PDCD11: variants seen among roughly 807,000 people sequenced by gnomAD.
The protein encoded by PDCD11 is programmed cell death 11.
A neutral mutation model predicts 198.9 loss-of-function variants in PDCD11; 97 were observed. The ratio of observed to expected loss-of-function variants is 0.49; its 90% CI spans 0.41 to 0.58. The LOEUF (loss-of-function observed/expected upper bound fraction) is 0.58, where lower values mean the gene tolerates loss of function less well. Ranked by LOEUF, PDCD11 falls within the 20% of genes least tolerant of loss-of-function variation. The pLI is 0.00. For missense variants in PDCD11, 2,102 were observed against 2,312.7 expected (o/e 0.91, Z 1.87); for synonymous variants, 893 against 918.0 (o/e 0.97, Z 0.49).
At chr10:103,411,008 G>C (rs906793815) in intron 8 of PDCD11, among the ~76,000 whole-genome samples, 1 of 151,626 alleles carries the variant, frequency 6.6e-6, no homozygotes, top group Admixed American at 6.6e-5. Context: ...CCAGGAGGCA[G>C]AGGTTGCAGT....
intron 21 of PDCD11, among the ~76,000 whole-genome samples, chr10:103,428,210 C>T (rs1197776363): frequency 6.6e-6 from 1 of 151,502 alleles, no homozygotes; most frequent in Non-Finnish European, 1.5e-5. Context: ...AAGGCTGAGG[C>T]AGGAGAATTG....
At chr10:103,444,148 C>A in intron 34 of PDCD11, 80 bp downstream of exon 34, 1 of 1,290,948 alleles carries the variant, frequency 7.7e-7, no homozygotes, top group Non-Finnish European at 1.1e-6. Context: ...ATTGCTTCTT[C>A]TAAGTCAGGA....
chr10:103,423,672 T>A lies in PDCD11; in HGVS notation c.2763+14T>A. On this transcript the variant is annotated intron_variant, in intron 19 of 35. Coordinates refer to ENST00000369797, the MANE Select transcript of PDCD11 (RefSeq NM_014976.2). ...AAAGCTAGAAAGGTAAGCTTGCTCC[T>A]GACTTCCATTTCCATGGTTTCACAT... 1 of 1,526,958 alleles carries A rather than the reference T, an allele frequency of 6.5e-7. No homozygotes were observed. Among genetic ancestry groups the A allele is most frequent in the Non-Finnish European group, 9.1e-7 (1 of 1,100,482 alleles). The allele number at this position is 1,526,958 out of a possible 1,614,324, so 94.6% of individuals were successfully genotyped here.
chr10:103,444,158 A>G, intron 34 of PDCD11, 90 bp downstream of exon 34: 1 of 1,178,584 alleles, frequency 8.5e-7, no homozygotes, highest in Non-Finnish European at 1.2e-6. Context: ...CTAAGTCAGG[A>G]GAGCCTTGTG....
chr10:103,403,145 G>C lies in PDCD11; in HGVS notation c.262G>C (p.Gly88Arg). The change falls in exon 4 of 36, where the codon GGT becomes CGT. Residue 88 changes from glycine (G) to arginine (R), a missense_variant. Physicochemically the swap from Gly to Arg is moderately radical, Grantham distance 125 (BLOSUM62 -2). Transcript: ENST00000369797. ...ESLCEGMRIL[G>R]CVKEVNELEL... ...CCTGTGTGAGGGAATGCGTATTTTG[G>C]GTTGCGTGAAAGAGGTGAATGAACT... 6.2e-7 allele frequency: 1 copy of C among 1,614,134 alleles called. No homozygotes were observed. Among genetic ancestry groups the C allele is most frequent in the Non-Finnish European group, 8.5e-7 (1 of 1,180,018 alleles).
intron 21 of PDCD11, among the ~76,000 whole-genome samples, chr10:103,431,410 G>T (rs2031928104): frequency 6.6e-6 from 1 of 151,946 alleles, no homozygotes; most frequent in East Asian, 1.9e-4. Flanking sequence ...GGCCAACATG[G>T]TGAAACCTTG....
At chr10:103,399,029 AAAAT>A (rs931191187) in intron 2 of PDCD11, among the ~76,000 whole-genome samples, 1 of 152,028 alleles carries the variant, frequency 6.6e-6, no homozygotes, top group South Asian at 2.1e-4. Flanking sequence ...ACACACAAAC[AAAAT>A]AAATAAAGTG....
rs952497260 is a variant in PDCD11, at chr10:103,398,644, C to A, written c.102+116C>A. On this transcript the variant is annotated intron_variant, in intron 2 of 35. Coordinates refer to ENST00000369797, the MANE Select transcript of PDCD11 (RefSeq NM_014976.2). ...TTCCAGATTTTTTTTGCATTGAAGT[C>A]TACTTCTATAAATTTAACTCATTTA... 1.0e-5 allele frequency: 7 copies of A among 696,896 alleles called. No homozygotes were observed. In the East Asian group the frequency reaches 1.9e-4, roughly 19 times the overall value. The allele number at this position is 696,896 out of a possible 1,614,324, so 43.2% of individuals were successfully genotyped here. A position where few individuals can be genotyped will look rare whatever the true frequency, so the allele number is the denominator to read the frequency against.
At chr10:103,413,039 G>A (rs2030894627) in intron 8 of PDCD11, 77 bp from the exon 9 acceptor site, 1 of 1,102,054 alleles carries the variant, frequency 9.1e-7, no homozygotes, top group African/African-American at 1.5e-5. Flanking sequence ...ATGTGGAAAG[G>A]CTTGATGCCT....
chr10:103,434,617 T>G, intron 24 of PDCD11, 181 bp from the exon 25 acceptor site: 1 of 597,280 alleles, frequency 1.7e-6, no homozygotes, highest in Non-Finnish European at 2.9e-6. Flanking sequence ...TGTCCACCAC[T>G]TGGCCCTGAG....
chr10:103,444,011 G>T lies in PDCD11; in HGVS notation c.5221G>T (p.Ala1741Ser). The change falls in exon 34 of 36, where the codon GCT becomes TCT. Residue 1741 changes from alanine (A) to serine (S), a missense_variant. By Grantham distance (99) the Ala-to-Ser change is moderately conservative. Coordinates refer to ENST00000369797, the MANE Select transcript of PDCD11 (RefSeq NM_014976.2). ...CGCCTTCCTTCTGCGGAGGAGCCAG[G>T]CTGCAGCCAGTCACCGCGTGCTGCA... ...YGAFLLRRSQ[A>S]AASHRVLQRA... 1 of 1,613,202 alleles carries T rather than the reference G, an allele frequency of 6.2e-7. No individual in the cohort carries two copies. The highest frequency in any genetic ancestry group is 1.3e-5 in the African/African-American group (1 of 75,028).
At chr10:103,430,497 GATC>G (rs1200223915) in intron 21 of PDCD11, among the ~76,000 whole-genome samples, 1 of 152,150 alleles carries the variant, frequency 6.6e-6, no homozygotes, top group African/African-American at 2.4e-5. Flanking sequence ...GGGATCACTG[GATC>G]GTATGGTAAT....
chr10:103,397,770 C>A (rs2093444876), intron 1 of PDCD11, among the ~76,000 whole-genome samples: 2 of 152,228 alleles, frequency 1.3e-5, no homozygotes, highest in South Asian at 4.1e-4. Context: ...ATGCTTTAAT[C>A]TCCCAGTGGT....
Position 103,440,527 on chromosome 10 carries a change from G to T in PDCD11, c.4386G>T (p.Lys1462Asn). ...GCAAGGAGAAGCAACAGCCCCAGAA[G>T]CCACAGGCGCAGAAGCGGGGCGGGC... ...MPSKEKQQPQ[K>N]PQAQKRGGRE... The change falls in exon 29 of 36, where the codon AAG becomes AAT. Residue 1462 changes from lysine (K) to asparagine (N), a missense_variant. Physicochemically the swap from Lys to Asn is moderately conservative, Grantham distance 94. Coordinates refer to ENST00000369797, the MANE Select transcript of PDCD11 (RefSeq NM_014976.2). 1.2e-6 allele frequency: 2 copies of T among 1,613,462 alleles called. No individual in the cohort carries two copies. The highest frequency in any genetic ancestry group is 1.7e-6 in the Non-Finnish European group (2 of 1,180,012).
intron 28 of PDCD11, 74 bp from the exon 29 acceptor site, chr10:103,440,216 A>G (rs1445129865): frequency 7.2e-6 from 11 of 1,530,778 alleles, no homozygotes; most frequent in Non-Finnish European, 1.7e-6. Flanking sequence ...GATCAGGAGG[A>G]AAAAGGCCTG....
rs944788540 is a variant in PDCD11 at position 103,399,305 on chromosome 10, C to T, written c.102+777C>T. The stretch of plus-strand genomic sequence containing the variant: ...CCTCAGATGATCTGCTCACCTTGAC[C>T]TCCCAAAGTGCTGGGATGGCAGGTG... On this transcript the variant is annotated intron_variant, in intron 2 of 35. Transcript: ENST00000369797. Among the ~76,000 whole-genome samples, 4 of 152,096 alleles carry T rather than the reference C, an allele frequency of 2.6e-5. No homozygotes were observed. In the South Asian group the frequency reaches 6.2e-4, roughly 24 times the overall value.
intron 21 of PDCD11, among the ~76,000 whole-genome samples, chr10:103,430,903 AT>A (rs2031905778): frequency 2.0e-5 from 3 of 151,900 alleles, no homozygotes; most frequent in East Asian, 3.9e-4. Flanking sequence ...GGTTGAAGTG[AT>A]TCTCCTGCCT....
chr10:103,417,511 G>A (rs751507373), intron 13 of PDCD11, among the ~76,000 whole-genome samples: 10 of 152,302 alleles, frequency 6.6e-5, no homozygotes, highest in Admixed American at 4.6e-4. Context: ...AATGTGTAAC[G>A]ATCAAACCAG....
At chr10:103,430,556 C>T (rs908847751) in intron 21 of PDCD11, among the ~76,000 whole-genome samples, 7 of 151,702 alleles carry the variant, frequency 4.6e-5, no homozygotes, top group East Asian at 1.9e-4. Context: ...TTTCCATAAT[C>T]GCTGTACCAT....
Sources: allele counts gnomAD v4.1 joint callset (sites outside exome capture counted in the v4.1 genomes callset), GRCh38; gene constraint gnomAD v4.1.1; transcripts MANE v1.5; gene names NCBI Gene and HGNC (gene_info 2026-07-23, HGNC 2026-07-21).